The following STYX variants were observed in gnomAD, a reference collection of about 807,000 sequenced individuals.
The protein encoded by STYX is serine/threonine/tyrosine-interacting protein.
A neutral mutation model predicts 42.7 loss-of-function variants in STYX; 20 were observed. That is an observed-to-expected ratio of 0.47 (90% CI 0.33 to 0.68). STYX has a LOEUF of 0.68. STYX is among the 30% of genes least tolerant of loss of function. STYX has a pLI of 0.02. For synonymous variants in STYX, 78 were observed against 81.9 expected (o/e 0.95, Z 0.26); for missense variants, 226 against 268.5 (o/e 0.84, Z 1.11).
rs1882562876 is a variant in STYX, at chr14:52,772,771, T to C, written c.*1665T>C. ...ATTGTTAATTAAGAGTTAATTCCTA[T>C]TGACCCAGGTGATATTTCTCTTCTG... On this transcript the variant is annotated 3_prime_UTR_variant, in exon 11 of 11. Transcript: ENST00000354586. 1 of 152,332 alleles carries C rather than the reference T, an allele frequency of 6.6e-6. No individual in the cohort carries two copies. Among genetic ancestry groups the C allele is most frequent in the Non-Finnish European group, 1.5e-5 (1 of 68,004 alleles). The allele number at this position is 152,332 out of a possible 1,614,324, so 9.4% of individuals were successfully genotyped here.
chr14:52,772,665 G>C lies in STYX; in HGVS notation c.*1559G>C, dbSNP rs541125138. On this transcript the variant is annotated 3_prime_UTR_variant, in exon 11 of 11. Transcript: ENST00000354586. The stretch of plus-strand genomic sequence containing the variant: ...AGTAACCTATTACACCAAGTTACTT[G>C]CTTTGCTTTCCTCTCTATGATGTGA... 2 of 152,620 alleles carry C rather than the reference G, an allele frequency of 1.3e-5. No individual in the cohort carries two copies. The highest frequency in any genetic ancestry group is 4.8e-5 in the African/African-American group (2 of 41,528). The allele number at this position is 152,620 out of a possible 1,614,324, so 9.5% of individuals were successfully genotyped here. A position where few individuals can be genotyped will look rare whatever the true frequency, so the allele number is the denominator to read the frequency against.
intron 4 of STYX, among the ~76,000 whole-genome samples, chr14:52,755,041 C>T (rs952009388): frequency 6.6e-6 from 1 of 151,602 alleles, no homozygotes; most frequent in African/African-American, 2.4e-5. Context: ...CAGTCATTGT[C>T]GAAATCCTTG....
chr14:52,751,779 T>G (rs1881621032), intron 4 of STYX, among the ~76,000 whole-genome samples: 2 of 152,224 alleles, frequency 1.3e-5, no homozygotes, highest in Admixed American at 1.3e-4. Flanking sequence ...ATAATGAAAG[T>G]AACTCTACTT....
At chr14:52,753,143 C>G (rs994379459) in intron 4 of STYX, among the ~76,000 whole-genome samples, 9 of 151,238 alleles carry the variant, frequency 6.0e-5, no homozygotes, top group Admixed American at 3.9e-4. Context: ...CTCCGCCTCC[C>G]AGGTTTAAGC....
At chr14:52,761,906 G>A (rs887257280) in intron 9 of STYX, among the ~76,000 whole-genome samples, 23 of 151,604 alleles carry the variant, frequency 1.5e-4, no homozygotes, top group African/African-American at 2.9e-4. Flanking sequence ...TTAGCCAGGC[G>A]TGGTGGCAGG....
At chr14:52,761,976 C>T (rs1234144687) in intron 9 of STYX, among the ~76,000 whole-genome samples, 6 of 151,188 alleles carry the variant, frequency 4.0e-5, no homozygotes, top group African/African-American at 1.2e-4. Context: ...ACTCGGGAGG[C>T]GGAGGTTGCA....
rs1277945170 is a variant in STYX, at chr14:52,730,174, G to C, written c.-301G>C. 2.2e-6 allele frequency: 1 copy of C among 446,308 alleles called. No homozygotes were observed. The highest frequency in any genetic ancestry group is 4.0e-6 in the Non-Finnish European group (1 of 250,860). The allele number at this position is 446,308 out of a possible 1,614,324, so 27.6% of individuals were successfully genotyped here. On this transcript the variant is annotated 5_prime_UTR_variant, in exon 1 of 11. Coordinates refer to ENST00000354586, the MANE Select transcript of STYX (RefSeq NM_145251.4). The stretch of plus-strand genomic sequence containing the variant: ...GAAGGAGGCGGGGAGACGGTTGTCG[G>C]GCTGGTTCCTGTGCTGGATCCTGGG...
chr14:52,745,424 C>T (rs1373482990), intron 2 of STYX, among the ~76,000 whole-genome samples: 5 of 152,098 alleles, frequency 3.3e-5, no homozygotes, highest in African/African-American at 1.2e-4. Context: ...CATGAGCCAC[C>T]GTGCCTGGCC....
At chr14:52,738,303 T>C (rs1881042767) in intron 1 of STYX, among the ~76,000 whole-genome samples, 1 of 152,210 alleles carries the variant, frequency 6.6e-6, no homozygotes, top group Admixed American at 6.5e-5. Flanking sequence ...TAATTTTTCA[T>C]TCCCTCCTAC....
intron 8 of STYX, 135 bp downstream of exon 8, chr14:52,758,059 T>C: frequency 1.1e-6 from 1 of 922,572 alleles, no homozygotes; most frequent in South Asian, 1.7e-5. Context: ...AGGCAGGCCC[T>C]TATTCCATGA....
At chr14:52,738,802 A>T (rs1054159458) in intron 1 of STYX, among the ~76,000 whole-genome samples, 8 of 152,212 alleles carry the variant, frequency 5.3e-5, no homozygotes, top group African/African-American at 1.7e-4. Context: ...ATTGTCTCTT[A>T]TCACTGGAGA....
chr14:52,765,943 G>A, intron 9 of STYX, among the ~76,000 whole-genome samples: 1 of 152,156 alleles, frequency 6.6e-6, no homozygotes, highest in East Asian at 1.9e-4. Flanking sequence ...CAGTCCAGGG[G>A]TGGGGACCCT....
chr14:52,738,848 G>A (rs1167137526), intron 1 of STYX, among the ~76,000 whole-genome samples: 1 of 152,034 alleles, frequency 6.6e-6, no homozygotes, highest in East Asian at 1.9e-4. Context: ...CAGACAAACT[G>A]ACACAAAGTA....
chr14:52,740,594 T>G (rs931633266), intron 1 of STYX, among the ~76,000 whole-genome samples: 2 of 152,214 alleles, frequency 1.3e-5, no homozygotes, highest in Non-Finnish European at 2.9e-5. Flanking sequence ...CTTTTTTTCT[T>G]TAAAGATATT....
intron 1 of STYX, 102 bp from the exon 2 acceptor site, chr14:52,744,750 G>T: frequency 9.2e-7 from 1 of 1,082,652 alleles, no homozygotes; most frequent in Admixed American, 2.2e-5. Context: ...AAAGTATAAT[G>T]TAACTTTAAA....
intron 10 of STYX, 51 bp downstream of exon 10, chr14:52,768,984 G>T: frequency 7.3e-7 from 1 of 1,376,872 alleles, no homozygotes; most frequent in Non-Finnish European, 1.0e-6. Context: ...ATAATGAAAG[G>T]TGGAGAACTT....
rs529022192 is a variant in STYX at position 52,757,458 on chromosome 14, T to C, written c.340+103T>C. The C allele has an allele frequency of 8.8e-5, 96 of 1,091,278 alleles. 1 individual carries two copies. The South Asian group carries it at 1.4e-3, about 16-fold the overall frequency. The allele number at this position is 1,091,278 out of a possible 1,614,324, so 67.6% of individuals were successfully genotyped here. A position where few individuals can be genotyped will look rare whatever the true frequency, so the allele number is the denominator to read the frequency against. ...ATGCAGGATATGGAAGTTACAATTATATGTAGTAGCTTACTCCCAAATTTG... is the reference window on the plus strand; with the variant it reads ...ATGCAGGATATGGAAGTTACAATTACATGTAGTAGCTTACTCCCAAATTTG... On this transcript the variant is annotated intron_variant, in intron 6 of 10. Transcript: ENST00000354586.
At chr14:52,742,396 G>T (rs142270354) in intron 1 of STYX, among the ~76,000 whole-genome samples, 5 of 152,108 alleles carry the variant, frequency 3.3e-5, no homozygotes, top group African/African-American at 1.2e-4. Flanking sequence ...AAATAAGGCC[G>T]TAGTGAAGAT....
chr14:52,750,641 A>AT, intron 3 of STYX, 42 bp from the exon 4 acceptor site: 2 of 1,255,758 alleles, frequency 1.6e-6, no homozygotes, highest in East Asian at 4.9e-5. Flanking sequence ...ATTTTAAAAT[A>AT]TTTATCTTCC....
Sources: gnomAD v4.1 joint callset for allele counts (sites outside exome capture counted in the v4.1 genomes callset) on GRCh38, gnomAD v4.1.1 for gene constraint, MANE v1.5 for transcripts, NCBI Gene and HGNC (gene_info 2026-07-23, HGNC 2026-07-21) for gene names.